CACNA1H: variants seen among roughly 807,000 people sequenced by gnomAD.
CACNA1H encodes the protein calcium voltage-gated channel subunit alpha1 H, also known as voltage-dependent T-type calcium channel subunit alpha-1H.
Under a neutral mutation model 192.5 loss-of-function variants are expected in CACNA1H, and 149 were observed. That is an observed-to-expected ratio of 0.77 (90% confidence interval 0.68 to 0.89). CACNA1H has a LOEUF of 0.89. Ranked by LOEUF, CACNA1H falls within the 40% of genes least tolerant of loss-of-function variation. CACNA1H has a pLI of 0.00. For synonymous variants in CACNA1H, 2,202 were observed against 1,475.2 expected, an observed-to-expected ratio of 1.49 and a Z score of -11.29; for missense variants, 4,257 against 3,423.5, an observed-to-expected ratio of 1.24 and a Z score of -6.08.
intron 2 of CACNA1H, among the ~76,000 whole-genome samples, chr16:1,188,895 C>T (rs1030868357): frequency 2.0e-5 from 3 of 152,218 alleles, no homozygotes; most frequent in South Asian, 4.1e-4. Context: ...GGACAGCAGC[C>T]GCTGCAGCAC....
intron 2 of CACNA1H, among the ~76,000 whole-genome samples, chr16:1,169,562 G>A (rs1172673791): frequency 2.0e-5 from 3 of 152,214 alleles, no homozygotes; most frequent in Admixed American, 6.5e-5. Flanking sequence ...CTCTCCCACC[G>A]AGAGACACTT....
Position 1,202,446 on chromosome 16 carries a change from G to T in CACNA1H, c.1996G>T (p.Glu666Ter), listed in dbSNP as rs772141645. The T allele has an allele frequency of 6.7e-7, 1 of 1,490,020 alleles. No homozygotes were observed. The highest frequency in any genetic ancestry group is 9.0e-7 in the Non-Finnish European group (1 of 1,115,782). 92.3% of individuals were successfully genotyped at this position (1,490,020 alleles called of 1,614,324 possible). A position where few individuals can be genotyped will look rare whatever the true frequency, so the allele number is the denominator to read the frequency against. The change falls in exon 9 of 35, where the codon GAG (glutamate) becomes TAG (stop). Residue 666 changes from glutamate to a stop codon, truncating the protein, a stop_gained. Transcript: ENST00000348261. LOFTEE classifies it high-confidence loss of function. ...CGAGAAGATCCCGCATGTGGTCGGG[G>T]AGCATGGTGAGGACCCAGCCCCACC... ...PYEKIPHVVG[E>*]HGLGQAPGHL...
At position 1,185,102 on chromosome 16, in the gene CACNA1H, C is replaced by T. The variant is rs538028905; in HGVS notation, c.300-9870C>T. Among the ~76,000 whole-genome samples, 21 of 152,330 alleles carry T rather than the reference C, an allele frequency of 1.4e-4. No individual in the cohort carries two copies. The South Asian group carries it at 2.1e-3, about 15-fold the overall frequency. On this transcript the variant is annotated intron_variant, in intron 2 of 34. Transcript: ENST00000348261. ...CTGGGTTTGCCTGTGCGGGACTTTC[C>T]GTGTGACATGTGGTCCTTCTGTGCC...
chr16:1,158,793 G>A (rs1455590609), intron 2 of CACNA1H, among the ~76,000 whole-genome samples: 2 of 151,874 alleles, frequency 1.3e-5, no homozygotes, highest in African/African-American at 2.4e-5. Context: ...CTCCTGCCCC[G>A]CCGCACCCCC....
intron 30 of CACNA1H, among the ~76,000 whole-genome samples, chr16:1,216,055 A>G (rs1567551421): frequency 6.6e-6 from 1 of 152,060 alleles, no homozygotes; most frequent in Non-Finnish European, 1.5e-5. Context: ...GAGACCCAAC[A>G]CGTTGTCCCG....
At chr16:1,206,448 T>C (rs2141299624) in intron 12 of CACNA1H, 159 bp downstream of exon 12, 1 of 669,250 alleles carries the variant, frequency 1.5e-6, no homozygotes, top group Non-Finnish European at 2.5e-6. Flanking sequence ...TGAGAAGCAC[T>C]GATTGGGCCC....
chr16:1,200,169 T>G, intron 6 of CACNA1H, 87 bp from the exon 7 acceptor site: 1 of 1,126,498 alleles, frequency 8.9e-7, no homozygotes, highest in Admixed American at 2.6e-5. Flanking sequence ...CTGACCTTGA[T>G]CACGTCCCTG....
chr16:1,153,618 CAAAG>C (rs1196579788), intron 1 of CACNA1H, 98 bp from the exon 2 acceptor site: 1 of 710,112 alleles, frequency 1.4e-6, no homozygotes, highest in South Asian at 7.2e-5. Flanking sequence ...TAAGAAAAGA[CAAAG>C]ACATCCCGGC....
At chr16:1,166,419 T>G (rs1963782029) in intron 2 of CACNA1H, among the ~76,000 whole-genome samples, 1 of 152,242 alleles carries the variant, frequency 6.6e-6, no homozygotes, top group Admixed American at 6.5e-5. Flanking sequence ...CAAGGCCCTC[T>G]GGCCAGCCCG....
chr16:1,195,806 A>G, intron 4 of CACNA1H, 120 bp from the exon 5 acceptor site: 1 of 931,440 alleles, frequency 1.1e-6, no homozygotes, highest in Non-Finnish European at 1.7e-6. Flanking sequence ...TGGCCAGTAC[A>G]AGGTCCTCCG....
At chr16:1,155,476 A>AGCAG (rs1298828329) in intron 2 of CACNA1H, among the ~76,000 whole-genome samples, 1 of 152,190 alleles carries the variant, frequency 6.6e-6, no homozygotes, top group Non-Finnish European at 1.5e-5. Flanking sequence ...CGGCGGTGCC[A>AGCAG]GCAGGCCATG....
intron 2 of CACNA1H, among the ~76,000 whole-genome samples, chr16:1,178,216 T>C (rs1195614457): frequency 8.4e-6 from 1 of 119,034 alleles, no homozygotes; most frequent in African/African-American, 3.3e-5. Context: ...CTCCCGGCTC[T>C]GCCTGGGATC....
At chr16:1,176,457 C>T (rs11865088) in intron 2 of CACNA1H, among the ~76,000 whole-genome samples, 9,525 of 152,308 alleles carry the variant, frequency 0.063, 864 homozygotes, top group African/African-American at 0.2. Flanking sequence ...ACCCCAGCTG[C>T]CGTCTCTTTC....
chr16:1,207,211 C>T, intron 13 of CACNA1H, 64 bp from the exon 14 acceptor site: 1 of 1,555,836 alleles, frequency 6.4e-7, no homozygotes, highest in Non-Finnish European at 8.7e-7. Context: ...GCTGCCTCTG[C>T]CCCAAGGACT....
chr16:1,174,674 G>A (rs896983330), intron 2 of CACNA1H, among the ~76,000 whole-genome samples: 5 of 152,178 alleles, frequency 3.3e-5, no homozygotes, highest in African/African-American at 1.2e-4. Context: ...GAGAGGAGAG[G>A]CGCCCAATGT....
At chr16:1,205,301 G>A (rs770428567) in intron 11 of CACNA1H, 36 bp downstream of exon 11, 25 of 1,571,708 alleles carry the variant, frequency 1.6e-5, no homozygotes, top group Middle Eastern at 1.7e-4. Context: ...AGAGGGGCCC[G>A]GGAAGCTCCA....
chr16:1,166,807 G>A (rs577422365), intron 2 of CACNA1H, among the ~76,000 whole-genome samples: 22 of 152,306 alleles, frequency 1.4e-4, no homozygotes, highest in Admixed American at 2.6e-4. Flanking sequence ...GACGGGCTGC[G>A]GTGTTTATCT....
rs757665511 is a variant in CACNA1H, at chr16:1,215,019, G to A, written c.4977G>A (p.Val1659=). ...LKYCNYVFTI[V]FVFEAALKLV... is the part of the protein sequence containing the mutation. ...ACTGCAACTACGTCTTCACCATCGT[G>A]TTTGTCTTCGAGGCTGCACTGAAGC... is the stretch of plus-strand genomic sequence containing the variant. Residue 1659 remains valine (V), a synonymous_variant, in exon 28 of 35, where the codon GTG becomes GTA. Transcript: ENST00000348261. The A allele has an allele frequency of 3.0e-5, 49 of 1,612,796 alleles. No homozygotes were observed. The highest frequency in any genetic ancestry group is 4.2e-5 in the Non-Finnish European group (49 of 1,179,500).
chr16:1,182,127 G>A (rs1965540555), intron 2 of CACNA1H, among the ~76,000 whole-genome samples: 4 of 152,210 alleles, frequency 2.6e-5, no homozygotes, highest in Admixed American at 6.5e-5. Context: ...GGCAGGGGCA[G>A]GAGCAGGGTC....
Sources: gnomAD v4.1 joint callset for allele counts (sites outside exome capture counted in the v4.1 genomes callset) on GRCh38, gnomAD v4.1.1 for gene constraint, MANE v1.5 for transcripts, NCBI Gene and HGNC (gene_info 2026-07-23, HGNC 2026-07-21) for gene names.